Variants in JAM2 observed in about 807,000 individuals in gnomAD.
The protein encoded by JAM2 is junctional adhesion molecule B.
Under a neutral mutation model 42.0 loss-of-function variants are expected in JAM2, and 17 were observed. The observed-to-expected ratio is 0.40, with a 90% CI of 0.28 to 0.61. JAM2 has a LOEUF of 0.61. Among genes scored for constraint, JAM2 ranks in the 20% least tolerant of loss-of-function variants. The pLI is 0.37. For synonymous variants in JAM2, 118 were observed against 128.6 expected (o/e 0.92, Z 0.56); for missense variants, 319 against 358.3 (o/e 0.89, Z 0.89).
chr21:25,658,032 CA>C (rs1292802343), intron 1 of JAM2, among the ~76,000 whole-genome samples: 1 of 151,998 alleles, frequency 6.6e-6, no homozygotes, highest in Non-Finnish European at 1.5e-5. Flanking sequence ...AATAATATAT[CA>C]AAAAATAATA....
chr21:25,707,488 A>G (rs1363714505), intron 7 of JAM2, among the ~76,000 whole-genome samples: 1 of 152,174 alleles, frequency 6.6e-6, no homozygotes, highest in Non-Finnish European at 1.5e-5. Flanking sequence ...TCTCAAAAAA[A>G]CAACAAAAAA....
intron 1 of JAM2, among the ~76,000 whole-genome samples, chr21:25,662,118 CAT>C (rs1008684175): frequency 1.3e-5 from 2 of 152,088 alleles, no homozygotes; most frequent in Admixed American, 1.3e-4. Context: ...AAAATGTCAA[CAT>C]ATAGATAAAA....
intron 1 of JAM2, among the ~76,000 whole-genome samples, chr21:25,656,472 C>T (rs866364665): frequency 4.5e-4 from 69 of 152,150 alleles, no homozygotes; most frequent in African/African-American, 1.6e-3. Flanking sequence ...GTTCCTTTAG[C>T]CTTGAAGACC....
At position 25,639,692 on chromosome 21, in the gene JAM2, C is replaced by T; in HGVS notation, c.-130C>T. The T allele has an allele frequency of 1.7e-6, 1 of 602,236 alleles. No homozygotes were observed. Among genetic ancestry groups the T allele is most frequent in the Non-Finnish European group, 2.9e-6 (1 of 345,150 alleles). The allele number at this position is 602,236 out of a possible 1,614,324, so 37.3% of individuals were successfully genotyped here. A position where few individuals can be genotyped will look rare whatever the true frequency, so the allele number is the denominator to read the frequency against. On this transcript the variant is annotated 5_prime_UTR_variant, in exon 1 of 10. Transcript: ENST00000480456. ...AAACTGACATCCCATCTAGAGCCGT[C>T]CCTCCTCTTCCTCCCCTCCCGACTC...
intron 6 of JAM2, among the ~76,000 whole-genome samples, chr21:25,703,007 G>A (rs547978221): frequency 1.3e-5 from 2 of 151,972 alleles, no homozygotes; most frequent in South Asian, 2.1e-4. Context: ...CATGCCCACC[G>A]CACCCAGCTA....
At position 25,714,671 on chromosome 21, in the gene JAM2, A is replaced by G; in HGVS notation, c.896A>G (p.Ter299=). 6.6e-7 allele frequency: 1 copy of G among 1,510,408 alleles called. No homozygotes were observed. Among genetic ancestry groups the G allele is most frequent in the Non-Finnish European group, 8.9e-7 (1 of 1,124,074 alleles). The allele number at this position is 1,510,408 out of a possible 1,614,324, so 93.6% of individuals were successfully genotyped here. A position where few individuals can be genotyped will look rare whatever the true frequency, so the allele number is the denominator to read the frequency against. ...AAGCACACAAAATCCTTTATAATTT[A>G]AAGACTCCACTTTAGAGATACACCA... ...DFKHTKSFII[*] The change falls in exon 10 of 10, where the codon TAA becomes TGA. Residue 299 remains the stop codon, a stop_retained_variant. Transcript: ENST00000480456.
At chr21:25,683,301 A>G (rs889543425) in intron 1 of JAM2, among the ~76,000 whole-genome samples, 1 of 152,230 alleles carries the variant, frequency 6.6e-6, no homozygotes, top group Non-Finnish European at 1.5e-5. Context: ...ACTTCAGTCT[A>G]TAGACCGGCT....
intron 1 of JAM2, among the ~76,000 whole-genome samples, chr21:25,676,062 C>T (rs2033484172): frequency 6.6e-6 from 1 of 151,934 alleles, no homozygotes; most frequent in South Asian, 2.1e-4. Flanking sequence ...CCAAGGTGGG[C>T]AGATCACTTG....
Position 25,661,268 on chromosome 21 carries a change from C to T in JAM2, c.67+21380C>T, listed in dbSNP as rs1057198722. Among the ~76,000 whole-genome samples, 7 of 152,106 alleles carry T rather than the reference C, an allele frequency of 4.6e-5. No individual in the cohort carries two copies. The East Asian group carries it at 1.4e-3, about 30-fold the overall frequency. On this transcript the variant is annotated intron_variant, in intron 1 of 9. Coordinates refer to ENST00000480456, the MANE Select transcript of JAM2 (RefSeq NM_021219.4). ...AGAGTTTGAGACTAGCTGGACTGGGCAACATGGCAAGATTCCATCTCTATG... is the reference window on the plus strand; with the variant it reads ...AGAGTTTGAGACTAGCTGGACTGGGTAACATGGCAAGATTCCATCTCTATG...
intron 8 of JAM2, chr21:25,710,233 G>C (rs1337753308): frequency 6.6e-6 from 1 of 152,020 alleles, no homozygotes; most frequent in East Asian, 1.9e-4. Flanking sequence ...TTAGTTAACA[G>C]TCATTTTTTT....
intron 7 of JAM2, among the ~76,000 whole-genome samples, chr21:25,707,529 A>G (rs2034297401): frequency 6.6e-6 from 1 of 152,154 alleles, no homozygotes; most frequent in South Asian, 2.1e-4. Context: ...ATAGAAACCT[A>G]TTGTATTTAT....
chr21:25,683,066 A>G (rs1352590848), intron 1 of JAM2, among the ~76,000 whole-genome samples: 2 of 152,162 alleles, frequency 1.3e-5, no homozygotes, highest in Non-Finnish European at 1.5e-5. Flanking sequence ...TTGGGGCATG[A>G]AAACAGGAAT....
chr21:25,706,010 C>T lies in JAM2; in HGVS notation c.729C>T (p.Ala243=), dbSNP rs146826045. ...DDLNISGIIA[A]VVVVALVISV... Reference sequence around the variant, plus strand: ...TCAACATAAGTGGCATCATAGCAGCCGTAGTAGTTGTGGCCTTAGTGATTT... The same window carrying T: ...TCAACATAAGTGGCATCATAGCAGCTGTAGTAGTTGTGGCCTTAGTGATTT... The change falls in exon 7 of 10, where the codon GCC becomes GCT. Residue 243 remains alanine (A), a synonymous_variant. Transcript: ENST00000480456. 229 of 1,613,480 alleles carry T rather than the reference C, an allele frequency of 1.4e-4. No individual in the cohort carries two copies. The African/African-American group carries it at 2.3e-3, about 16-fold the overall frequency.
intron 1 of JAM2, among the ~76,000 whole-genome samples, chr21:25,670,816 C>G (rs2033343356): frequency 1.3e-5 from 2 of 152,188 alleles, no homozygotes; most frequent in South Asian, 4.1e-4. Flanking sequence ...GTGAATATGA[C>G]AGTTAAGCAA....
intron 1 of JAM2, among the ~76,000 whole-genome samples, chr21:25,663,563 A>C (rs551475640): frequency 2.3e-4 from 35 of 152,246 alleles, no homozygotes; most frequent in African/African-American, 7.7e-4. Context: ...TTCATAGATT[A>C]ACAATTTAAG....
intron 6 of JAM2, 54 bp from the exon 7 acceptor site, chr21:25,705,925 G>A: frequency 8.6e-7 from 1 of 1,165,540 alleles, no homozygotes; most frequent in Non-Finnish European, 1.3e-6. Context: ...TTTAATGACT[G>A]CATCTGTCCG....
intron 1 of JAM2, among the ~76,000 whole-genome samples, chr21:25,675,651 G>A (rs1005663808): frequency 2.0e-5 from 3 of 151,784 alleles, no homozygotes; most frequent in Admixed American, 2.0e-4. Context: ...GAGGAAGGGA[G>A]GAAGGGCTAC....
intron 1 of JAM2, among the ~76,000 whole-genome samples, chr21:25,668,109 G>T (rs570741536): frequency 2.6e-5 from 4 of 152,192 alleles, no homozygotes; most frequent in Non-Finnish European, 4.4e-5. Flanking sequence ...TGGCCTGATT[G>T]AGGATGAACA....
At chr21:25,646,122 G>A (rs999308799) in intron 1 of JAM2, among the ~76,000 whole-genome samples, 13 of 152,130 alleles carry the variant, frequency 8.5e-5, no homozygotes, top group African/African-American at 1.2e-4. Flanking sequence ...CAGTACGGGC[G>A]TTATAGCATC....
Sources: allele counts gnomAD v4.1 joint callset (sites outside exome capture counted in the v4.1 genomes callset), GRCh38; gene constraint gnomAD v4.1.1; transcripts MANE v1.5; gene names NCBI Gene and HGNC (gene_info 2026-07-23, HGNC 2026-07-21).